The following RBFOX1 variants were observed in gnomAD, a reference collection of about 807,000 sequenced individuals.
RBFOX1 encodes RNA binding fox-1 homolog 1.
A neutral mutation model predicts 57.7 loss-of-function variants in RBFOX1; 8 were observed. The observed-to-expected ratio is 0.14, with a 90% CI of 0.08 to 0.25. The LOEUF (loss-of-function observed/expected upper bound fraction) is 0.25. Among genes scored for constraint, RBFOX1 ranks in the 10% least tolerant of loss-of-function variants. The pLI, the probability that RBFOX1 is intolerant of heterozygous loss-of-function variation, is 1.00. For missense variants in RBFOX1, 611 were observed against 548.5 expected, an observed-to-expected ratio of 1.11 and a Z score of -1.14; for synonymous variants, 326 against 222.4, an observed-to-expected ratio of 1.47 and a Z score of -4.15.
chr16:7,532,853 C>T (rs956712267), intron 5 of RBFOX1, among the ~76,000 whole-genome samples: 1 of 152,178 alleles, frequency 6.6e-6, no homozygotes, highest in African/African-American at 2.4e-5. Context: ...TATTGTTTGA[C>T]CCTCAACAGA....
At chr16:6,754,826 G>T (rs1201496012) in intron 3 of RBFOX1, among the ~76,000 whole-genome samples, 3 of 151,974 alleles carry the variant, frequency 2.0e-5, no homozygotes, top group Non-Finnish European at 2.9e-5. Context: ...TTAGCATTAG[G>T]TATATCTCCT....
intron 10 of RBFOX1, among the ~76,000 whole-genome samples, chr16:7,619,959 C>G (rs529424569): frequency 3.3e-5 from 5 of 152,194 alleles, no homozygotes; most frequent in Admixed American, 1.3e-4. Flanking sequence ...CCCCTGACTT[C>G]CCACTAGAAG....
intron 2 of RBFOX1, among the ~76,000 whole-genome samples, chr16:6,494,647 C>T (rs867312211): frequency 6.6e-6 from 1 of 152,190 alleles, no homozygotes; most frequent in Non-Finnish European, 1.5e-5. Flanking sequence ...CATTTGTGGA[C>T]AGGTTTTTGC....
At chr16:7,688,244 T>TGAGAGA (rs2076505882) in intron 14 of RBFOX1, among the ~76,000 whole-genome samples, 1 of 145,876 alleles carries the variant, frequency 6.9e-6, no homozygotes, top group East Asian at 2.1e-4. Context: ...TGTGTGTGTG[T>TGAGAGA]GTGTGTGTGT....
At position 6,859,164 on chromosome 16, in the gene RBFOX1, C is replaced by T. The variant is rs1490200638; in HGVS notation, c.-15-192893C>T. On this transcript the variant is annotated intron_variant, in intron 3 of 15. Coordinates refer to ENST00000550418, the MANE Select transcript of RBFOX1 (RefSeq NM_018723.4). ...ACGTATATATATATGTATATATATA[C>T]GTATATATATGTATATATATGTATA... Among the ~76,000 whole-genome samples the T allele has an allele frequency of 1.7e-3, 136 of 81,036 alleles. 5 individuals are homozygous for T. The highest frequency in any genetic ancestry group is 9.2e-3 in the African/African-American group (125 of 13,636). The allele number at this position is 81,036 out of a possible 152,430, so 53.2% of individuals were successfully genotyped here. A position where few individuals can be genotyped will look rare whatever the true frequency, so the allele number is the denominator to read the frequency against.
At chr16:6,311,907 T>C (rs12445929) in intron 1 of RBFOX1, among the ~76,000 whole-genome samples, 50,668 of 151,998 alleles carry the variant, frequency 0.33, 8,725 homozygotes, top group Middle Eastern at 0.41. Flanking sequence ...CTGAGTGGTA[T>C]CAAGCAACCC....
intron 4 of RBFOX1, among the ~76,000 whole-genome samples, chr16:7,307,275 G>A (rs2096212030): frequency 6.6e-6 from 1 of 152,110 alleles, no homozygotes; most frequent in Non-Finnish European, 1.5e-5. Context: ...CAATAACTAA[G>A]GAAAATGACT....
intron 1 of RBFOX1, among the ~76,000 whole-genome samples, chr16:5,343,871 C>T (rs910945840): frequency 4.6e-5 from 7 of 152,126 alleles, no homozygotes; most frequent in South Asian, 2.1e-4. Flanking sequence ...CTTAGGAGCT[C>T]TTATTTTTGC....
At chr16:5,533,264 A>C (rs2044558284) in intron 2 of RBFOX1, among the ~76,000 whole-genome samples, 1 of 152,206 alleles carries the variant, frequency 6.6e-6, no homozygotes, top group Admixed American at 6.5e-5. Context: ...AAATTGCAGA[A>C]ATTCAACTCT....
At chr16:6,931,329 CT>C (rs2076493942) in intron 3 of RBFOX1, among the ~76,000 whole-genome samples, 2 of 132,834 alleles carry the variant, frequency 1.5e-5, no homozygotes, top group African/African-American at 7.0e-5. Context: ...ATCTATCTAT[CT>C]ATCTATCTCT....
At chr16:7,513,322 C>G (rs1184057812) in intron 4 of RBFOX1, among the ~76,000 whole-genome samples, 1 of 151,946 alleles carries the variant, frequency 6.6e-6, no homozygotes, top group Non-Finnish European at 1.5e-5. Flanking sequence ...GAACTCCCCA[C>G]CAGGTGATTC....
chr16:7,377,548 T>A (rs1202568918), intron 4 of RBFOX1, among the ~76,000 whole-genome samples: 1 of 152,224 alleles, frequency 6.6e-6, no homozygotes, highest in Admixed American at 6.5e-5. Context: ...TGCTCTGGAA[T>A]CTGTATTTGC....
intron 1 of RBFOX1, among the ~76,000 whole-genome samples, chr16:5,400,251 C>A (rs1441804306): frequency 1.3e-5 from 2 of 151,982 alleles, no homozygotes; most frequent in South Asian, 2.1e-4. Flanking sequence ...GCCACCACAC[C>A]CGGCTGATTT....
intron 1 of RBFOX1, among the ~76,000 whole-genome samples, chr16:6,254,348 C>G (rs966667749): frequency 6.6e-6 from 1 of 152,028 alleles, no homozygotes; most frequent in Non-Finnish European, 1.5e-5. Context: ...TTGTTTTTAT[C>G]AAAATCATGA....
intron 3 of RBFOX1, among the ~76,000 whole-genome samples, chr16:6,996,135 A>G (rs921090689): frequency 6.6e-6 from 1 of 152,184 alleles, no homozygotes. Flanking sequence ...ATTGTATCCT[A>G]ATTATCTGAA....
chr16:6,871,726 T>A (rs1473862884), intron 3 of RBFOX1, among the ~76,000 whole-genome samples: 1 of 152,128 alleles, frequency 6.6e-6, no homozygotes, highest in African/African-American at 2.4e-5. Context: ...AAGAGTGATT[T>A]TCTGTTACAT....
At chr16:6,616,549 G>T (rs1202714763) in intron 2 of RBFOX1, among the ~76,000 whole-genome samples, 1 of 152,144 alleles carries the variant, frequency 6.6e-6, no homozygotes, top group Non-Finnish European at 1.5e-5. Flanking sequence ...GGTGGCGGGC[G>T]TCTGTAGTCC....
chr16:5,832,832 A>G (rs1300586981), intron 3 of RBFOX1, among the ~76,000 whole-genome samples: 2 of 152,230 alleles, frequency 1.3e-5, no homozygotes, highest in Non-Finnish European at 2.9e-5. Flanking sequence ...GGACCACAGG[A>G]GCAAAGAGTG....
rs1370629367 is a variant in RBFOX1, at chr16:6,583,789, G to T, written c.-63-70814G>T. ...ATGAAACTGCAGTTTAATTAGGTTGGTGTGACGCCAAAATAAATGTTTCAT... is the reference window on the plus strand; with the variant it reads ...ATGAAACTGCAGTTTAATTAGGTTGTTGTGACGCCAAAATAAATGTTTCAT... On this transcript the variant is annotated intron_variant, in intron 2 of 15. Coordinates refer to ENST00000550418, the MANE Select transcript of RBFOX1 (RefSeq NM_018723.4). 2.0e-5 allele frequency among the ~76,000 whole-genome samples: 3 copies of T among 152,254 alleles called. 1 individual carries two copies. The East Asian group carries it at 5.8e-4, about 29-fold the overall frequency.
Sources: allele counts gnomAD v4.1 joint callset (sites outside exome capture counted in the v4.1 genomes callset), GRCh38; gene constraint gnomAD v4.1.1; transcripts MANE v1.5; gene names NCBI Gene and HGNC (gene_info 2026-07-23, HGNC 2026-07-21).